The following NTRK2 variants were observed in gnomAD, a reference collection of about 807,000 sequenced individuals.
The protein encoded by NTRK2 is BDNF/NT-3 growth factors receptor.
In NTRK2, 13 loss-of-function variants were observed where a neutral mutation model predicts 94.5. The ratio of observed to expected loss-of-function variants is 0.14; its 90% CI spans 0.09 to 0.22. NTRK2 has a LOEUF of 0.22. NTRK2 is among the 10% of genes least tolerant of loss of function. The pLI is 1.00. For missense variants in NTRK2, 639 were observed against 1,071.2 expected, an observed-to-expected ratio of 0.60 and a Z score of 5.63; for synonymous variants, 372 against 407.4, an observed-to-expected ratio of 0.91 and a Z score of 1.05.
chr9:84,875,343 C>G, intron 14 of NTRK2: 1 of 1,060,554 alleles, frequency 9.4e-7, no homozygotes, highest in Non-Finnish European at 1.1e-6. Flanking sequence ...CTGGCCACGT[C>G]AGACTCTCAT....
chr9:84,944,192 T>TTCTC lies in NTRK2; in HGVS notation c.1765-4249_1765-4246dup, dbSNP rs61035000. 5.6e-3 allele frequency among the ~76,000 whole-genome samples: 760 copies of TTCTC among 135,126 alleles called. 5 individuals carry two copies. The highest frequency in any genetic ancestry group is 0.017 in the African/African-American group (606 of 35,572). 88.6% of individuals were successfully genotyped at this position (135,126 alleles called of 152,430 possible). ...TGGCGTTTCAAAAAAGAAAAGCTTGTTCTCTCTCTCTCTCTCTCTCTCTCA... is the reference window on the plus strand; with the variant it reads ...TGGCGTTTCAAAAAAGAAAAGCTTGTTCTCTCTCTCTCTCTCTCTCTCTCTCTCA... On this transcript the variant is annotated intron_variant, in intron 15 of 18. Coordinates refer to ENST00000277120, the MANE Select transcript of NTRK2 (RefSeq NM_006180.6).
At chr9:84,836,723 C>G (rs770281077) in intron 12 of NTRK2, among the ~76,000 whole-genome samples, 11 of 148,516 alleles carry the variant, frequency 7.4e-5, no homozygotes, top group Non-Finnish European at 1.6e-4. Flanking sequence ...TTATCACTAC[C>G]ACCTCCGCTG....
chr9:84,834,670 C>T (rs577944116), intron 12 of NTRK2, among the ~76,000 whole-genome samples: 3 of 152,238 alleles, frequency 2.0e-5, no homozygotes, highest in African/African-American at 4.8e-5. Context: ...CCTCTGCGCA[C>T]ATGTTGAGAG....
intron 2 of NTRK2, 29 bp from the exon 3 acceptor site, chr9:84,702,130 A>G: frequency 6.2e-7 from 1 of 1,602,754 alleles, no homozygotes; most frequent in Non-Finnish European, 8.5e-7. Context: ...ATTCTGAGTC[A>G]CTGCGATTCA....
At chr9:84,701,693 G>A (rs3780629) in intron 2 of NTRK2, among the ~76,000 whole-genome samples, 1,805 of 152,268 alleles carry the variant, frequency 0.012, 35 homozygotes, top group East Asian at 0.047. Context: ...TAGGGAAAAC[G>A]CACCTTAGTA....
chr9:84,709,203 A>G (rs2061285278), intron 5 of NTRK2, among the ~76,000 whole-genome samples: 1 of 152,240 alleles, frequency 6.6e-6, no homozygotes, highest in East Asian at 1.9e-4. Flanking sequence ...ATGTGCTGTC[A>G]TAATCATCGA....
rs1440181831 is a variant in NTRK2, at chr9:84,774,094, G to A, written c.1396+22009G>A. On this transcript the variant is annotated intron_variant, in intron 12 of 18. Transcript: ENST00000277120. ...TGTTTATTCTCCTGTGACCCTCTCT[G>A]TCTAAATATTTTCTTTCTCTCCCTC... Among the ~76,000 whole-genome samples the A allele has an allele frequency of 2.0e-5, 3 of 152,082 alleles. No homozygotes were observed. In the East Asian group the frequency reaches 5.8e-4, roughly 29 times the overall value.
At chr9:84,929,562 C>CTT (rs559071090) in intron 14 of NTRK2, among the ~76,000 whole-genome samples, 2 of 143,046 alleles carry the variant, frequency 1.4e-5, no homozygotes, top group African/African-American at 2.6e-5. Context: ...AGTTTGGTTC[C>CTT]TTTTTTTTTT....
intron 2 of NTRK2, among the ~76,000 whole-genome samples, chr9:84,686,651 C>G (rs1318589024): frequency 1.3e-5 from 2 of 152,162 alleles, no homozygotes; most frequent in Non-Finnish European, 2.9e-5. Flanking sequence ...GATAATGTGT[C>G]AGGTCTAGTT....
chr9:84,686,209 C>A (rs2059704110), intron 2 of NTRK2, among the ~76,000 whole-genome samples: 1 of 152,132 alleles, frequency 6.6e-6, no homozygotes, highest in Non-Finnish European at 1.5e-5. Context: ...TCATGCACAG[C>A]AAGAGATTGA....
intron 14 of NTRK2, chr9:84,877,941 T>C (rs111390386): frequency 1.1e-5 from 11 of 1,012,840 alleles, no homozygotes; most frequent in Non-Finnish European, 1.2e-5. Flanking sequence ...TAATACTTTT[T>C]CTTACATAGA....
At chr9:84,734,790 C>T (rs2063136376) in intron 9 of NTRK2, among the ~76,000 whole-genome samples, 1 of 152,176 alleles carries the variant, frequency 6.6e-6, no homozygotes, top group African/African-American at 2.4e-5. Context: ...TCAATGAAAC[C>T]TCTTTCCTTT....
chr9:84,842,853 G>A (rs1160196697), intron 12 of NTRK2, among the ~76,000 whole-genome samples: 4 of 152,198 alleles, frequency 2.6e-5, no homozygotes, highest in Non-Finnish European at 5.9e-5. Flanking sequence ...TTAGACTGGG[G>A]GAACCCAGTT....
chr9:84,763,616 C>A (rs1245044506), intron 12 of NTRK2, among the ~76,000 whole-genome samples: 1 of 152,136 alleles, frequency 6.6e-6, no homozygotes. Flanking sequence ...TGTTCCTTCA[C>A]TCCCAAATTT....
chr9:84,855,077 G>A (rs971153000), intron 12 of NTRK2, among the ~76,000 whole-genome samples: 2 of 152,078 alleles, frequency 1.3e-5, no homozygotes, highest in East Asian at 3.9e-4. Context: ...GCAGGGAGGG[G>A]GAAGACCGAG....
At chr9:84,906,214 G>A (rs1263707356) in intron 14 of NTRK2, among the ~76,000 whole-genome samples, 1 of 152,092 alleles carries the variant, frequency 6.6e-6, no homozygotes, top group Non-Finnish European at 1.5e-5. Context: ...ACCAATTCTG[G>A]AATTCCAGAC....
chr9:84,873,163 G>A lies in NTRK2; in HGVS notation c.1633+5732G>A, dbSNP rs139446636. The A allele has an allele frequency of 9.4e-4, 1,002 of 1,063,318 alleles. 36 individuals carry two copies. The Admixed American group carries it at 0.047, about 50-fold the overall frequency. The allele number at this position is 1,063,318 out of a possible 1,614,324, so 65.9% of individuals were successfully genotyped here. A position where few individuals can be genotyped will look rare whatever the true frequency, so the allele number is the denominator to read the frequency against. Reference sequence around the variant, plus strand: ...ATGGTCAGAGGTAGGACTGAAAAACGGGTAGAAACAATTGCTTTAGCGCTT... The same window carrying A: ...ATGGTCAGAGGTAGGACTGAAAAACAGGTAGAAACAATTGCTTTAGCGCTT... On this transcript the variant is annotated intron_variant, in intron 14 of 18. Transcript: ENST00000277120.
At position 84,719,129 on chromosome 9, in the gene NTRK2, A is replaced by G. The variant is rs145449121; in HGVS notation, c.584-4444A>G. On this transcript the variant is annotated intron_variant, in intron 6 of 18. Coordinates refer to ENST00000277120, the MANE Select transcript of NTRK2 (RefSeq NM_006180.6). ...ACTTTATCAGTGGTATTTATGGTCC[A>G]TGATGAAATGGATATGTACAGCTCG... is the stretch of plus-strand genomic sequence containing the variant. Among the ~76,000 whole-genome samples, 935 of 152,334 alleles carry G rather than the reference A, an allele frequency of 6.1e-3. 14 individuals are homozygous for G. Among genetic ancestry groups the G allele is most frequent in the Admixed American group, 0.034 (524 of 15,302 alleles).
At chr9:84,682,975 C>T (rs144869516) in intron 2 of NTRK2, among the ~76,000 whole-genome samples, 190 of 152,294 alleles carry the variant, frequency 1.2e-3, no homozygotes, top group Non-Finnish European at 2.4e-3. Context: ...TGTGTCCTCA[C>T]ATGGCAGAAG....
Sources: allele counts gnomAD v4.1 joint callset (sites outside exome capture counted in the v4.1 genomes callset), GRCh38; gene constraint gnomAD v4.1.1; transcripts MANE v1.5; gene names NCBI Gene and HGNC (gene_info 2026-07-23, HGNC 2026-07-21).